KYNU: variants seen among roughly 807,000 people sequenced by gnomAD.
KYNU encodes L-kynurenine hydrolase.
Under a neutral mutation model 59.2 loss-of-function variants are expected in KYNU, and 54 were observed. The observed-to-expected ratio is 0.91, with a 90% CI of 0.73 to 1.14. The LOEUF (loss-of-function observed/expected upper bound fraction) is 1.14. KYNU is among the 50% of genes most tolerant of loss of function. The pLI, the probability that KYNU is intolerant of heterozygous loss-of-function variation, is 0.00. For synonymous variants in KYNU, 177 were observed against 192.0 expected (o/e 0.92, Z 0.65); for missense variants, 567 against 554.4 (o/e 1.02, Z -0.23).
intron 4 of KYNU, among the ~76,000 whole-genome samples, chr2:142,942,949 G>A (rs920179664): frequency 1.3e-5 from 2 of 152,154 alleles, no homozygotes; most frequent in African/African-American, 4.8e-5. Context: ...CTTACCAGCT[G>A]AATGTCCCTA....
At chr2:142,963,454 G>A (rs1000308838) in intron 8 of KYNU, among the ~76,000 whole-genome samples, 3 of 152,166 alleles carry the variant, frequency 2.0e-5, no homozygotes, top group African/African-American at 7.2e-5. Context: ...GTCTGCTTAG[G>A]GCTGCTGTTT....
At chr2:142,925,436 G>A (rs1462929958) in intron 3 of KYNU, among the ~76,000 whole-genome samples, 1 of 152,152 alleles carries the variant, frequency 6.6e-6, no homozygotes, top group Non-Finnish European at 1.5e-5. Flanking sequence ...ACCACATGCT[G>A]ATGAAGGTAG....
intron 10 of KYNU, among the ~76,000 whole-genome samples, chr2:142,995,968 GAACTCAAAT>G (rs1221890981): frequency 6.6e-6 from 1 of 151,936 alleles, no homozygotes; most frequent in African/African-American, 2.4e-5. Flanking sequence ...TCTTATTTCT[GAACTCAAAT>G]ATCTGCTTGC....
At chr2:142,907,982 A>T (rs181481307) in intron 2 of KYNU, among the ~76,000 whole-genome samples, 1 of 152,364 alleles carries the variant, frequency 6.6e-6, no homozygotes. Context: ...ACATATTGTT[A>T]CTTCTAGGTT....
chr2:142,953,659 C>T (rs929646928), intron 4 of KYNU, among the ~76,000 whole-genome samples: 11 of 152,058 alleles, frequency 7.2e-5, no homozygotes, highest in Non-Finnish European at 1.5e-4. Flanking sequence ...TGCCCCTTGA[C>T]GTTAGATATT....
intron 2 of KYNU, among the ~76,000 whole-genome samples, chr2:142,896,498 T>C (rs1018971119): frequency 1.3e-5 from 2 of 152,170 alleles, no homozygotes; most frequent in African/African-American, 2.4e-5. Flanking sequence ...TTTTGTTTTT[T>C]AATTGTTGAG....
At chr2:142,904,820 T>A (rs1396959021) in intron 2 of KYNU, among the ~76,000 whole-genome samples, 2 of 152,288 alleles carry the variant, frequency 1.3e-5, no homozygotes, top group African/African-American at 2.4e-5. Flanking sequence ...GCTTATCGGA[T>A]TAGTTGTGCT....
rs61229238 is a variant in KYNU, at chr2:143,047,852, C to CTTTTTTTTTTT, written c.*5696_*5706dup. The CTTTTTTTTTTT allele has an allele frequency of 8.0e-5, 8 of 100,336 alleles. 2 individuals are homozygous for CTTTTTTTTTTT. Among genetic ancestry groups the CTTTTTTTTTTT allele is most frequent in the African/African-American group, 4.3e-5 (1 of 23,330 alleles). 6.2% of individuals were successfully genotyped at this position (100,336 alleles called of 1,614,324 possible). A position where few individuals can be genotyped will look rare whatever the true frequency, so the allele number is the denominator to read the frequency against. On this transcript the variant is annotated 3_prime_UTR_variant, in exon 14 of 14. Coordinates refer to ENST00000264170, the MANE Select transcript of KYNU (RefSeq NM_003937.3). ...GGCATAAGCTGCCACTCCTGGACCT[C>CTTTTTTTTTTT]TTTTTTTTTTTTTTTTTTTTTTTTT...
intron 10 of KYNU, among the ~76,000 whole-genome samples, chr2:143,004,440 G>A (rs1685805914): frequency 1.3e-5 from 2 of 152,176 alleles, no homozygotes; most frequent in Admixed American, 1.3e-4. Context: ...GCCTGGAATG[G>A]TTGCTCACAC....
rs1457387909 is a variant in KYNU at position 142,956,328 on chromosome 2, G to A, written c.507+54G>A. 1.9e-5 allele frequency: 22 copies of A among 1,145,216 alleles called. No individual in the cohort carries two copies. The East Asian group carries it at 5.0e-4, about 26-fold the overall frequency. 70.9% of individuals were successfully genotyped at this position (1,145,216 alleles called of 1,614,324 possible). A position where few individuals can be genotyped will look rare whatever the true frequency, so the allele number is the denominator to read the frequency against. ...TTCTTTCTACTCTTCCTAGAGCAGT[G>A]TATCATTTGCCTGACTTGAATGTTT... is the stretch of plus-strand genomic sequence containing the variant. On this transcript the variant is annotated intron_variant, in intron 6 of 13. Coordinates refer to ENST00000264170, the MANE Select transcript of KYNU (RefSeq NM_003937.3).
Position 142,990,578 on chromosome 2 carries a change from A to G in KYNU, c.902+4557A>G, listed in dbSNP as rs532483749. On this transcript the variant is annotated intron_variant, in intron 10 of 13. Coordinates refer to ENST00000264170, the MANE Select transcript of KYNU (RefSeq NM_003937.3). The stretch of plus-strand genomic sequence containing the variant: ...GGTATTACAAATCCATCTATCATTT[A>G]CTTTTTTATGTGAGCCAGTGAAATC... Among the ~76,000 whole-genome samples the G allele has an allele frequency of 4.6e-5, 7 of 151,954 alleles. No individual in the cohort carries two copies. The East Asian group carries it at 1.4e-3, about 30-fold the overall frequency.
intron 8 of KYNU, among the ~76,000 whole-genome samples, chr2:142,980,063 G>A (rs1171244717): frequency 1.3e-5 from 2 of 152,010 alleles, no homozygotes; most frequent in Admixed American, 6.6e-5. Context: ...TTTCTGGGAC[G>A]GGGTTGGGCA....
intron 1 of KYNU, among the ~76,000 whole-genome samples, chr2:142,881,077 G>T (rs942200063): frequency 2.0e-5 from 3 of 152,226 alleles, no homozygotes; most frequent in African/African-American, 7.2e-5. Context: ...AAGCATTGGA[G>T]CATTAGGTCT....
At chr2:142,920,474 C>T (rs1682840259) in intron 3 of KYNU, among the ~76,000 whole-genome samples, 1 of 152,150 alleles carries the variant, frequency 6.6e-6, no homozygotes, top group African/African-American at 2.4e-5. Flanking sequence ...ATATATTCTG[C>T]CCTGCTATTC....
intron 8 of KYNU, 79 bp from the exon 9 acceptor site, chr2:142,985,005 A>C (rs1402304719): frequency 1.2e-5 from 11 of 885,856 alleles, no homozygotes; most frequent in African/African-American, 5.0e-5. Context: ...AGTTTGTCAA[A>C]TGTTTTCTTA....
intron 10 of KYNU, among the ~76,000 whole-genome samples, chr2:143,003,820 A>G (rs1023868922): frequency 9.2e-5 from 14 of 152,242 alleles, no homozygotes; most frequent in African/African-American, 3.1e-4. Flanking sequence ...GAAGAGGGAA[A>G]TAACCTAATG....
chr2:142,965,916 TC>T (rs1368490202), intron 8 of KYNU, among the ~76,000 whole-genome samples: 1 of 152,178 alleles, frequency 6.6e-6, no homozygotes, highest in Non-Finnish European at 1.5e-5. Flanking sequence ...TTCCTTTTTT[TC>T]TATCCCTTTA....
intron 7 of KYNU, 103 bp from the exon 8 acceptor site, chr2:142,960,521 A>G (rs1684306463): frequency 2.9e-6 from 3 of 1,049,430 alleles, no homozygotes; most frequent in East Asian, 2.5e-5. Flanking sequence ...AAAAAAAACT[A>G]TTTTATAATG....
intron 2 of KYNU, among the ~76,000 whole-genome samples, chr2:142,903,944 A>G (rs1682195797): frequency 6.6e-6 from 1 of 152,186 alleles, no homozygotes; most frequent in Non-Finnish European, 1.5e-5. Flanking sequence ...CCTGAGGGCC[A>G]TGACTAAAGT....
Sources: gnomAD v4.1 joint callset for allele counts (sites outside exome capture counted in the v4.1 genomes callset) on GRCh38, gnomAD v4.1.1 for gene constraint, MANE v1.5 for transcripts, NCBI Gene and HGNC (gene_info 2026-07-23, HGNC 2026-07-21) for gene names.